Variants in PSME4 observed in about 807,000 individuals in gnomAD.
The protein encoded by PSME4 is proteasome activator complex subunit 4.
A neutral mutation model predicts 253.9 loss-of-function variants in PSME4; 89 were observed. The observed-to-expected ratio is 0.35, with a 90% CI of 0.30 to 0.42. The LOEUF is 0.42. PSME4 is among the 10% of genes least tolerant of loss of function. PSME4 has a pLI of 1.00. For missense variants in PSME4, 2,014 were observed against 2,195.2 expected (o/e 0.92, Z 1.65); for synonymous variants, 851 against 759.2 (o/e 1.12, Z -1.99).
intron 38 of PSME4, 100 bp from the exon 39 acceptor site, chr2:53,888,089 C>T (rs574475855): frequency 9.6e-5 from 119 of 1,238,576 alleles, no homozygotes; most frequent in African/African-American, 6.5e-4. Flanking sequence ...AAAGCTTTTT[C>T]GTTTTTTCAC....
Position 53,888,749 on chromosome 2 carries a change from C to T in PSME4, c.4360G>A (p.Gly1454Ser). Reference protein sequence around the residue: ...FELLLESPLSGEGGSFVDACR... With the variant: ...FELLLESPLSSEGGSFVDACR... Reference sequence around the variant, plus strand: ...GCATCTACAAAGGATCCTCCTTCACCACTCAATGGTGATTCCAACAGCAGT... The same window carrying T: ...GCATCTACAAAGGATCCTCCTTCACTACTCAATGGTGATTCCAACAGCAGT... The change falls in exon 38 of 47, where the codon GGT (glycine) becomes AGT (serine). Residue 1454 changes from glycine to serine, a missense_variant. By Grantham distance (56) the Gly-to-Ser change is moderately conservative (BLOSUM62 0). Around this residue, in one of 4 missense-constraint regions of PSME4, gnomAD observed 403 missense variants for 556.1 expected, o/e 0.72. Coordinates refer to ENST00000404125, the MANE Select transcript of PSME4 (RefSeq NM_014614.3). 3 of 1,611,954 alleles carry T rather than the reference C, an allele frequency of 1.9e-6. No homozygotes were observed. Among genetic ancestry groups the T allele is most frequent in the Non-Finnish European group, 2.5e-6 (3 of 1,178,426 alleles).
intron 1 of PSME4, among the ~76,000 whole-genome samples, chr2:53,963,079 A>G (rs756985241): frequency 6.6e-6 from 1 of 151,830 alleles, no homozygotes; most frequent in African/African-American, 2.4e-5. Context: ...CTTTCCCAAC[A>G]CTTTCAGGAG....
At chr2:53,914,818 T>C (rs1667986427) in intron 20 of PSME4, among the ~76,000 whole-genome samples, 1 of 151,966 alleles carries the variant, frequency 6.6e-6, no homozygotes, top group Admixed American at 6.6e-5. Context: ...GAGGCAGAGG[T>C]TGCAGTGAGC....
At chr2:53,885,837 A>AACAATAACATT in intron 40 of PSME4, 62 bp from the exon 41 acceptor site, 3 of 1,193,070 alleles carry the variant, frequency 2.5e-6, no homozygotes, top group Non-Finnish European at 3.7e-6. Flanking sequence ...CACAAAGTAG[A>AACAATAACATT]ACAATATTGT....
chr2:53,958,213 G>C (rs868523461), intron 1 of PSME4, among the ~76,000 whole-genome samples: 1 of 150,764 alleles, frequency 6.6e-6, no homozygotes, highest in Non-Finnish European at 1.5e-5. Context: ...AAAATTAGCC[G>C]GGCATGGTGG....
intron 1 of PSME4, among the ~76,000 whole-genome samples, chr2:53,963,489 TATTAACCC>T: frequency 6.6e-6 from 1 of 152,340 alleles, no homozygotes; most frequent in East Asian, 1.9e-4. Flanking sequence ...TACTACACTG[TATTAACCC>T]ATGACTGTAC....
intron 20 of PSME4, among the ~76,000 whole-genome samples, chr2:53,914,178 C>T (rs775765962): frequency 1.3e-5 from 2 of 152,104 alleles, no homozygotes; most frequent in East Asian, 1.9e-4. Flanking sequence ...CCTTGAGTAA[C>T]CCTGTTTTTT....
intron 1 of PSME4, among the ~76,000 whole-genome samples, chr2:53,966,238 T>G (rs980157890): frequency 2.0e-5 from 3 of 152,112 alleles, no homozygotes; most frequent in African/African-American, 2.4e-5. Context: ...GAGCCGACAT[T>G]GTGCCACTGC....
At chr2:53,898,041 C>T in intron 30 of PSME4, 42 bp from the exon 31 acceptor site, 1 of 1,573,338 alleles carries the variant, frequency 6.4e-7, no homozygotes, top group Non-Finnish European at 8.6e-7. Flanking sequence ...ACACATAAAA[C>T]CACTTGGAAA....
chr2:53,908,529 G>A lies in PSME4; in HGVS notation c.2666C>T (p.Ser889Leu). ...ATGTACCTTTATAATAAGAAACAATGACTTAGTATCATCTTCTGAATTATC... is the reference window on the plus strand; with the variant it reads ...ATGTACCTTTATAATAAGAAACAATAACTTAGTATCATCTTCTGAATTATC... ...ILDNSEDDTK[S>L]LFLIIKIIGD... Residue 889 changes from serine to leucine, a missense_variant, in exon 23 of 47, where the codon TCA (serine) becomes TTA (leucine). Around this residue, in one of 4 missense-constraint regions of PSME4, gnomAD observed 989 missense variants for 1,021.1 expected, o/e 0.97. Transcript: ENST00000404125. 1.9e-6 allele frequency: 3 copies of A among 1,608,640 alleles called. No individual in the cohort carries two copies. The highest frequency in any genetic ancestry group is 2.5e-6 in the Non-Finnish European group (3 of 1,177,380).
chr2:53,889,715 C>A (rs1679816690), intron 37 of PSME4, among the ~76,000 whole-genome samples: 1 of 152,166 alleles, frequency 6.6e-6, no homozygotes, highest in African/African-American at 2.4e-5. Flanking sequence ...AAAAATAATA[C>A]CTATAACTTT....
At chr2:53,920,855 T>A (rs530855559) in intron 18 of PSME4, 34 bp downstream of exon 18, 1 of 1,513,876 alleles carries the variant, frequency 6.6e-7, no homozygotes, top group Non-Finnish European at 9.1e-7. Flanking sequence ...AAAATCAACA[T>A]ATTCTTGAAT....
intron 1 of PSME4, among the ~76,000 whole-genome samples, chr2:53,957,463 G>C (rs1410729396): frequency 6.6e-6 from 1 of 152,158 alleles, no homozygotes. Context: ...CTCACAAAGA[G>C]CACACAACCT....
chr2:53,921,873 A>AAAAAAAAAAAAG, intron 17 of PSME4, among the ~76,000 whole-genome samples: 1 of 130,932 alleles, frequency 7.6e-6, no homozygotes, highest in Non-Finnish European at 1.6e-5. Context: ...GTCTCAAAAA[A>AAAAAAAAAAAAG]AAGAAAACTG....
At chr2:53,956,541 T>A (rs1284798946) in intron 1 of PSME4, among the ~76,000 whole-genome samples, 2 of 151,538 alleles carry the variant, frequency 1.3e-5, no homozygotes, top group Admixed American at 6.6e-5. Flanking sequence ...AAAATAAAAA[T>A]AATAATAATT....
chr2:53,910,103 C>G lies in PSME4; in HGVS notation c.2544G>C (p.Glu848Asp). Residue 848 changes from glutamate to aspartate, a missense_variant, in exon 21 of 47, where the codon GAG (glutamate) becomes GAC (aspartate). This residue lies in a region of PSME4 where 989 missense variants were observed against 1,021.1 expected (regional missense o/e 0.97). Coordinates refer to ENST00000404125, the MANE Select transcript of PSME4 (RefSeq NM_014614.3). ...NLVPSMVSLE[E>D]TKLYTGLEYD... ...ATTCAAGTCCAGTATACAACTTTGT[C>G]TCTTCCAAGGACACCATACTTGGTA... 1 of 1,608,602 alleles carries G rather than the reference C, an allele frequency of 6.2e-7. No individual in the cohort carries two copies. The highest frequency in any genetic ancestry group is 1.1e-5 in the South Asian group (1 of 90,964).
At chr2:53,894,205 A>C (rs1262081872) in intron 34 of PSME4, among the ~76,000 whole-genome samples, 1 of 152,208 alleles carries the variant, frequency 6.6e-6, no homozygotes, top group Non-Finnish European at 1.5e-5. Context: ...AGAATCAGAA[A>C]AAGTTACAAT....
intron 1 of PSME4, among the ~76,000 whole-genome samples, chr2:53,969,185 C>T (rs1211861574): frequency 6.6e-6 from 1 of 152,130 alleles, no homozygotes; most frequent in Admixed American, 6.5e-5. Context: ...CTGTTGCATT[C>T]CTGCTTCTGC....
At chr2:53,923,009 T>C in intron 16 of PSME4, 40 bp downstream of exon 16, 7 of 1,390,484 alleles carry the variant, frequency 5.0e-6, no homozygotes, top group Non-Finnish European at 6.7e-6. Flanking sequence ...AAAAAACTTA[T>C]CCAAAATTGT....
Sources: gnomAD v4.1 joint callset for allele counts (sites outside exome capture counted in the v4.1 genomes callset) on GRCh38, gnomAD v4.1.1 for gene constraint, gnomAD v4.1.1 regional missense constraint, MANE v1.5 for transcripts, NCBI Gene and HGNC (gene_info 2026-07-23, HGNC 2026-07-21) for gene names.